Variants in MDGA2 observed in about 807,000 individuals in gnomAD.
MDGA2 encodes the protein MAM domain containing glycosylphosphatidylinositol anchor 2.
In MDGA2, 40 loss-of-function variants were observed where a neutral mutation model predicts 117.8. That is an observed-to-expected ratio of 0.34 (90% CI 0.26 to 0.44). MDGA2 has a LOEUF of 0.44. Ranked by LOEUF, MDGA2 falls within the 20% of genes least tolerant of loss-of-function variation. MDGA2 has a pLI of 1.00. For synonymous variants in MDGA2, 452 were observed against 439.0 expected (o/e 1.03, Z -0.37); for missense variants, 1,123 against 1,250.6 (o/e 0.90, Z 1.54).
intron 1 of MDGA2, among the ~76,000 whole-genome samples, chr14:47,347,729 T>C (rs1480423037): frequency 6.6e-6 from 1 of 152,146 alleles, no homozygotes; most frequent in Non-Finnish European, 1.5e-5. Flanking sequence ...GTCATGGGAA[T>C]TTTGATAATC....
At chr14:46,892,652 C>A (rs528740676) in intron 10 of MDGA2, among the ~76,000 whole-genome samples, 1 of 151,490 alleles carries the variant, frequency 6.6e-6, no homozygotes, top group African/African-American at 2.4e-5. Context: ...TCATGCAACT[C>A]GACAGCAAAA....
chr14:47,223,961 T>C, intron 2 of MDGA2, among the ~76,000 whole-genome samples: 1 of 152,086 alleles, frequency 6.6e-6, no homozygotes. Context: ...TTCACTATCA[T>C]GAGAACAGCA....
intron 1 of MDGA2, among the ~76,000 whole-genome samples, chr14:47,321,952 C>G (rs1279886221): frequency 6.6e-6 from 1 of 152,114 alleles, no homozygotes; most frequent in Non-Finnish European, 1.5e-5. Flanking sequence ...TATTTTACAA[C>G]TGTATAAAAC....
chr14:47,455,075 A>T (rs1893320680), intron 1 of MDGA2, among the ~76,000 whole-genome samples: 1 of 152,266 alleles, frequency 6.6e-6, no homozygotes, highest in Non-Finnish European at 1.5e-5. Flanking sequence ...ACCTTTAAAA[A>T]ATATGAACAT....
chr14:46,864,572 T>TTTTTTTTTTTTTTTTA (rs1881660333), intron 14 of MDGA2, among the ~76,000 whole-genome samples: 1 of 89,420 alleles, frequency 1.1e-5, no homozygotes. Flanking sequence ...TTTTTTTTTT[T>TTTTTTTTTTTTTTTTA]ACAAATTAAA....
chr14:47,065,697 GAC>G (rs1275494775), intron 6 of MDGA2, among the ~76,000 whole-genome samples: 1 of 152,110 alleles, frequency 6.6e-6, no homozygotes, highest in Non-Finnish European at 1.5e-5. Context: ...AACAAAAAAA[GAC>G]AACAGTCTTA....
intron 1 of MDGA2, among the ~76,000 whole-genome samples, chr14:47,506,526 G>C (rs1012406560): frequency 1.3e-5 from 2 of 152,118 alleles, no homozygotes; most frequent in African/African-American, 4.8e-5. Context: ...TCTGACACTT[G>C]ACTAGGCTTC....
At chr14:47,537,126 A>G (rs1022298354) in intron 1 of MDGA2, among the ~76,000 whole-genome samples, 1 of 152,134 alleles carries the variant, frequency 6.6e-6, no homozygotes, top group Admixed American at 6.5e-5. Flanking sequence ...GAACTGTAGC[A>G]TCTAGAAATG....
intron 1 of MDGA2, among the ~76,000 whole-genome samples, chr14:47,537,573 TTAAAAAAAAAAAAAAAAAAA>T (rs1233412241): frequency 2.3e-4 from 13 of 57,106 alleles, no homozygotes; most frequent in African/African-American, 3.5e-4. Flanking sequence ...CTTCTCTCTG[TTAAAAAAAAAAAAAAAAAAA>T]AAAAAAAAAA....
At chr14:47,496,925 G>A in intron 1 of MDGA2, among the ~76,000 whole-genome samples, 1 of 151,942 alleles carries the variant, frequency 6.6e-6, no homozygotes, top group East Asian at 1.9e-4. Context: ...TTCCACCTCA[G>A]ATCATCAGGC....
At chr14:46,876,723 C>A (rs908443353) in intron 12 of MDGA2, among the ~76,000 whole-genome samples, 1 of 151,312 alleles carries the variant, frequency 6.6e-6, no homozygotes. Flanking sequence ...AACTCAGGAA[C>A]AAGAATCCTG....
intron 1 of MDGA2, among the ~76,000 whole-genome samples, chr14:47,631,690 T>C (rs1897250637): frequency 6.6e-6 from 1 of 152,194 alleles, no homozygotes; most frequent in East Asian, 1.9e-4. Context: ...CAATTGTTTA[T>C]TTTCATTGCT....
chr14:47,010,230 C>G (rs1240684315), intron 8 of MDGA2, among the ~76,000 whole-genome samples: 1 of 151,914 alleles, frequency 6.6e-6, no homozygotes, highest in East Asian at 1.9e-4. Flanking sequence ...AGCACTTAGT[C>G]CAATTGCTGG....
At chr14:46,900,136 A>C (rs552297634) in intron 10 of MDGA2, among the ~76,000 whole-genome samples, 1 of 152,296 alleles carries the variant, frequency 6.6e-6, no homozygotes, top group Admixed American at 6.5e-5. Context: ...GGCATTAGAG[A>C]AATACAAATT....
chr14:47,349,712 G>C lies in MDGA2; in HGVS notation c.281-48162C>G, dbSNP rs528779463. Among the ~76,000 whole-genome samples, 22 of 152,316 alleles carry C rather than the reference G, an allele frequency of 1.4e-4. No homozygotes were observed. In the South Asian group the frequency reaches 4.3e-3, roughly 30 times the overall value. On this transcript the variant is annotated intron_variant, in intron 1 of 16. Coordinates refer to ENST00000399232, the MANE Select transcript of MDGA2 (RefSeq NM_001113498.3). ...ATCTTACCTTCTAATAATAGATTCTGAAATGTTTAGAGATAAAAGGCAATC... is the reference window on the plus strand; with the variant it reads ...ATCTTACCTTCTAATAATAGATTCTCAAATGTTTAGAGATAAAAGGCAATC...
At chr14:47,499,417 C>G (rs1001926642) in intron 1 of MDGA2, among the ~76,000 whole-genome samples, 2 of 152,094 alleles carry the variant, frequency 1.3e-5, no homozygotes, top group Non-Finnish European at 2.9e-5. Context: ...CTTTCTCCCC[C>G]CATTGATACA....
At chr14:47,172,214 G>C (rs903914466) in intron 3 of MDGA2, among the ~76,000 whole-genome samples, 1 of 152,134 alleles carries the variant, frequency 6.6e-6, no homozygotes, top group Non-Finnish European at 1.5e-5. Context: ...CGCCTCTGGG[G>C]GCAGGGCACA....
chr14:47,079,752 G>C (rs1248233008), intron 6 of MDGA2, among the ~76,000 whole-genome samples: 1 of 10,034 alleles, frequency 1.0e-4, no homozygotes, highest in African/African-American at 1.0e-3. Flanking sequence ...TTTTTTTTGA[G>C]ACAGAGTCTC....
intron 11 of MDGA2, among the ~76,000 whole-genome samples, chr14:46,881,009 A>AACACACACACACACACACAC (rs72117373): frequency 6.2e-4 from 91 of 145,688 alleles, no homozygotes; most frequent in Non-Finnish European, 6.5e-4. Flanking sequence ...AACTATCACT[A>AACACACACACACACACACAC]ACACACACAC....
Sources: gnomAD v4.1 joint callset for allele counts (sites outside exome capture counted in the v4.1 genomes callset) on GRCh38, gnomAD v4.1.1 for gene constraint, MANE v1.5 for transcripts, NCBI Gene and HGNC (gene_info 2026-07-23, HGNC 2026-07-21) for gene names.